The following FAM161A variants were observed in gnomAD, a reference collection of about 807,000 sequenced individuals.
FAM161A encodes protein FAM161A.
In FAM161A, 57 loss-of-function variants were observed where a neutral mutation model predicts 70.9. That is an observed-to-expected ratio of 0.80 (90% CI 0.65 to 1.00). FAM161A has a LOEUF of 1.00. FAM161A is among the 50% of genes least tolerant of loss of function. The pLI is 0.00. For missense variants in FAM161A, 880 were observed against 836.0 expected (o/e 1.05, Z -0.65); for synonymous variants, 299 against 295.7 (o/e 1.01, Z -0.12).
the FAM161A span, among the ~76,000 whole-genome samples, chr2:61,800,542 G>A: frequency 2.0e-5 from 3 of 152,154 alleles, no homozygotes; most frequent in African/African-American, 7.2e-5. Context: ...TCAGGCAGGA[G>A]GAAGAAGGGA....
chr2:61,843,090 G>T (rs1381054322), intron 1 of FAM161A, among the ~76,000 whole-genome samples: 1 of 152,112 alleles, frequency 6.6e-6, no homozygotes, highest in Non-Finnish European at 1.5e-5. Context: ...TGTTTAGAAG[G>T]GTCTGACTGG....
rs773490021 is a variant in FAM161A at position 61,853,859 on chromosome 2, C to G, written c.183G>C (p.Ser61=). 6.2e-7 allele frequency: 1 copy of G among 1,613,798 alleles called. No individual in the cohort carries two copies. Among genetic ancestry groups the G allele is most frequent in the Admixed American group, 1.7e-5 (1 of 60,012 alleles). ...AGCCCAAGTCCCGCCCCAGTATTACCGATGCCCCAGCGGGCTGAGCCACTT... is the reference window on the plus strand; with the variant it reads ...AGCCCAAGTCCCGCCCCAGTATTACGGATGCCCCAGCGGGCTGAGCCACTT... ...EEKVAQPAGA[S]ADLNTSFSGV... is the part of the protein sequence containing the mutation. Residue 61 remains serine (S), a splice_region_variant and synonymous_variant, in exon 1 of 7, where the codon TCG becomes TCC. Transcript: ENST00000404929.
At chr2:61,804,911 T>C in the FAM161A span, among the ~76,000 whole-genome samples, 1 of 151,732 alleles carries the variant, frequency 6.6e-6, no homozygotes, top group African/African-American at 2.4e-5. Flanking sequence ...CCCTGAGTTG[T>C]TTTTCAGAAA....
At chr2:61,813,323 A>G in the FAM161A span, among the ~76,000 whole-genome samples, 1 of 151,574 alleles carries the variant, frequency 6.6e-6, no homozygotes, top group Admixed American at 6.6e-5. Context: ...TGGGCAGATC[A>G]CAAGGTCAGG....
chr2:61,803,537 C>T, the FAM161A span: 5 of 489,470 alleles, frequency 1.0e-5, no homozygotes, highest in African/African-American at 5.9e-5. Context: ...TTAATAAGGC[C>T]GGGCGCAGTG....
chr2:61,842,038 A>G, intron 2 of FAM161A, 84 bp downstream of exon 2: 1 of 917,268 alleles, frequency 1.1e-6, no homozygotes, highest in Non-Finnish European at 1.8e-6. Context: ...TTTAAGAGAA[A>G]ATATTATGAA....
the FAM161A span, among the ~76,000 whole-genome samples, chr2:61,808,633 C>A: frequency 1.3e-5 from 2 of 152,172 alleles, no homozygotes; most frequent in African/African-American, 4.8e-5. Context: ...TTCTTTTAGG[C>A]ATAGAATACA....
the FAM161A span, among the ~76,000 whole-genome samples, chr2:61,808,336 G>A: frequency 9.9e-5 from 15 of 151,084 alleles, no homozygotes; most frequent in Non-Finnish European, 1.6e-4. Flanking sequence ...GCAGTGGCAC[G>A]ATCTCAGCTC....
At chr2:61,847,458 C>G (rs1048554524) in intron 1 of FAM161A, among the ~76,000 whole-genome samples, 1 of 152,062 alleles carries the variant, frequency 6.6e-6, no homozygotes, top group East Asian at 1.9e-4. Flanking sequence ...CCTGCCCCTA[C>G]CAAAAAGTAA....
the FAM161A span, among the ~76,000 whole-genome samples, chr2:61,816,003 T>C: frequency 2.2e-4 from 33 of 152,306 alleles, no homozygotes; most frequent in East Asian, 6.2e-3. Flanking sequence ...AATCAATGTC[T>C]TTTCTTGAGC....
the FAM161A span, among the ~76,000 whole-genome samples, chr2:61,800,874 G>A: frequency 1.3e-5 from 2 of 152,168 alleles, no homozygotes; most frequent in Non-Finnish European, 2.9e-5. Context: ...CGCAATCTCA[G>A]CTCACTGCAC....
At chr2:61,815,844 C>A in the FAM161A span, among the ~76,000 whole-genome samples, 2 of 152,080 alleles carry the variant, frequency 1.3e-5, no homozygotes, top group Non-Finnish European at 2.9e-5. Context: ...AGCCACCACA[C>A]CTGGCCTCTC....
rs994005901 is a variant in FAM161A, at chr2:61,840,305, C to T, written c.699G>A (p.Val233=). 5 of 1,613,958 alleles carry T rather than the reference C, an allele frequency of 3.1e-6. No individual in the cohort carries two copies. In the African/African-American group the frequency reaches 6.7e-5, roughly 22 times the overall value. The part of the protein sequence containing the change: ...EKRRKKRKEW[V]PTITVPEPFQ... The stretch of plus-strand genomic sequence containing the variant: ...AAGGCTCCGGTACTGTAATTGTGGG[C>T]ACCCATTCTTTTCGTTTCTTCCTTC... Residue 233 remains valine, a synonymous_variant, in exon 3 of 7, where the codon GTG becomes GTA. Coordinates refer to ENST00000404929, the MANE Select transcript of FAM161A (RefSeq NM_001201543.2).
Position 61,853,947 on chromosome 2 carries a change from C to G in FAM161A, c.95G>C (p.Arg32Pro). 6.2e-7 allele frequency: 1 copy of G among 1,613,924 alleles called. No homozygotes were observed. The highest frequency in any genetic ancestry group is 1.1e-5 in the South Asian group (1 of 91,086). Residue 32 changes from arginine (R) to proline (P), a missense_variant, in exon 1 of 7, where the codon CGC (arginine) becomes CCC (proline). Arg to Pro is a moderately radical substitution (Grantham distance 103, BLOSUM62 -2). Coordinates refer to ENST00000404929, the MANE Select transcript of FAM161A (RefSeq NM_001201543.2). ...ITGARVAQYE[R>P]EDPLKALAAA... Reference sequence around the variant, plus strand: ...CGCCAGGGCCTTTAAGGGGTCTTCGCGTTCGTACTGGGCGACCCGCGCTCC... The same window carrying G: ...CGCCAGGGCCTTTAAGGGGTCTTCGGGTTCGTACTGGGCGACCCGCGCTCC...
chr2:61,831,176 T>C (rs1672562338), intron 5 of FAM161A, among the ~76,000 whole-genome samples: 1 of 151,930 alleles, frequency 6.6e-6, no homozygotes, highest in South Asian at 2.1e-4. Context: ...TTGCTGCATA[T>C]GTGTTCAATA....
chr2:61,849,475 A>C (rs1673420843), intron 1 of FAM161A, among the ~76,000 whole-genome samples: 3 of 151,808 alleles, frequency 2.0e-5, no homozygotes, highest in Admixed American at 2.0e-4. Flanking sequence ...CCTTTATTTT[A>C]CAAAATAAAA....
At chr2:61,806,073 C>G in the FAM161A span, among the ~76,000 whole-genome samples, 2 of 152,044 alleles carry the variant, frequency 1.3e-5, no homozygotes, top group African/African-American at 4.8e-5. Flanking sequence ...CAAAAATTAG[C>G]CGGGTGTGGT....
In FAM161A at chr2:61,849,092, TTAAATA is replaced by T. The variant is rs369948286; in HGVS notation, c.183+4761_183+4766del. ...TAAATATATATATTTATATATATATTTAAATATATATATTTATATATATATTTAAAT... is the reference window on the plus strand; with the variant it reads ...TAAATATATATATTTATATATATATTTATATATTTATATATATATTTAAAT... On this transcript the variant is annotated intron_variant, in intron 1 of 6. Transcript: ENST00000404929. Among the ~76,000 whole-genome samples, 152 of 36,068 alleles carry T rather than the reference TTAAATA, an allele frequency of 4.2e-3. 26 individuals are homozygous for T. The highest frequency in any genetic ancestry group is 6.8e-3 in the African/African-American group (47 of 6,928). The allele number at this position is 36,068 out of a possible 152,430, so 23.7% of individuals were successfully genotyped here.
the FAM161A span, among the ~76,000 whole-genome samples, chr2:61,809,553 T>C: frequency 3.3e-5 from 5 of 152,096 alleles, no homozygotes; most frequent in Admixed American, 6.6e-5. Context: ...CCAGCTTAGT[T>C]TGGATTCCCC....
Sources: allele counts gnomAD v4.1 joint callset (sites outside exome capture counted in the v4.1 genomes callset), GRCh38; gene constraint gnomAD v4.1.1; transcripts MANE v1.5; gene names NCBI Gene and HGNC (gene_info 2026-07-23, HGNC 2026-07-21).